PHC3: variants seen among roughly 807,000 people sequenced by gnomAD.
PHC3 encodes polyhomeotic homolog 3, also known as polyhomeotic-like protein 3.
In PHC3, 13 loss-of-function variants were observed where a neutral mutation model predicts 107.4. That is an observed-to-expected ratio of 0.12 (90% CI 0.08 to 0.19). The LOEUF is 0.19. Among genes scored for constraint, PHC3 ranks in the 10% least tolerant of loss-of-function variants. The probability of loss-of-function intolerance (pLI) is 1.00; values close to 1 mark genes in which losing one functional copy is unlikely to be tolerated. For missense variants in PHC3, 992 were observed against 1,210.9 expected (o/e 0.82, Z 2.68); for synonymous variants, 456 against 427.4 (o/e 1.07, Z -0.83).
chr3:170,159,197 A>AG (rs1577210369), intron 4 of PHC3, among the ~76,000 whole-genome samples: 1 of 147,816 alleles, frequency 6.8e-6, no homozygotes, highest in East Asian at 2.0e-4. Flanking sequence ...GCTTGCAGTG[A>AG]GCCGAGATCA....
intron 8 of PHC3, among the ~76,000 whole-genome samples, chr3:170,126,504 G>GTGTATATATATATATATATATATATATA (rs1272456482): frequency 8.5e-6 from 1 of 117,322 alleles, no homozygotes; most frequent in African/African-American, 3.5e-5. Flanking sequence ...TGCTCCATAT[G>GTGTATATATATATATATATATATATATA]TATATATATA....
chr3:170,129,279 G>A lies in PHC3; in HGVS notation c.1193C>T (p.Pro398Leu), dbSNP rs1721865920. Residue 398 changes from proline (P) to leucine (L), a missense_variant, in exon 8 of 15, where the codon CCT becomes CTT. Physicochemically the swap from Pro to Leu is moderately conservative, Grantham distance 98. Around this residue, in one of 6 missense-constraint regions of PHC3, gnomAD observed 543 missense variants for 590.8 expected, o/e 0.92. Coordinates refer to ENST00000495893, the MANE Select transcript of PHC3 (RefSeq NM_024947.4). ...QSHPSPLTVS[P>L]NQSQSAQQSV... ...CTGCTGTGCTGACTGTGACTGATTA[G>A]GAGACACTGTTAAAGGAGAGGGATG... The A allele has an allele frequency of 6.2e-7, 1 of 1,613,854 alleles. No individual in the cohort carries two copies. The highest frequency in any genetic ancestry group is 1.7e-5 in the Admixed American group (1 of 59,992).
rs1231829699 is a variant in PHC3, at chr3:170,172,653, C to T, written c.240G>A (p.Met80Ile). 1 of 1,613,386 alleles carries T rather than the reference C, an allele frequency of 6.2e-7. No individual in the cohort carries two copies. The highest frequency in any genetic ancestry group is 8.5e-7 in the Non-Finnish European group (1 of 1,179,706). Residue 80 changes from methionine to isoleucine, a missense_variant, in exon 3 of 15, where the codon ATG becomes ATA. By Grantham distance (10) the Met-to-Ile change is conservative. Coordinates refer to ENST00000495893, the MANE Select transcript of PHC3 (RefSeq NM_024947.4). ...TCAAGTGCTGTTGTTGGGCTGCATACATTTGCTGAAGGTACTGAGCAGCTG... is the reference window on the plus strand; with the variant it reads ...TCAAGTGCTGTTGTTGGGCTGCATATATTTGCTGAAGGTACTGAGCAGCTG... The part of the protein sequence containing the change: ...PSSAAQYLQQ[M>I]YAAQQQHLML...
chr3:170,174,832 G>A (rs1436959490), intron 2 of PHC3, among the ~76,000 whole-genome samples: 1 of 152,170 alleles, frequency 6.6e-6, no homozygotes, highest in East Asian at 1.9e-4. Flanking sequence ...CCAGCATTAA[G>A]TGATTCAGAA....
At chr3:170,154,582 A>G (rs1464393573) in intron 4 of PHC3, among the ~76,000 whole-genome samples, 1 of 152,040 alleles carries the variant, frequency 6.6e-6, no homozygotes, top group Admixed American at 6.5e-5. Context: ...CTTTTTAAGG[A>G]AGTATAGTAC....
intron 8 of PHC3, among the ~76,000 whole-genome samples, chr3:170,126,730 TGAGTTTCTCTATGTTG>T (rs370587670): frequency 1.3e-4 from 19 of 151,260 alleles, no homozygotes; most frequent in East Asian, 3.9e-4. Flanking sequence ...TTAGTAGAGA[TGAGTTTCTCTATGTTG>T]GCCAGGCTGG....
intron 7 of PHC3, among the ~76,000 whole-genome samples, chr3:170,134,661 C>T (rs910661816): frequency 6.6e-6 from 1 of 152,144 alleles, no homozygotes; most frequent in Non-Finnish European, 1.5e-5. Context: ...ATATGTACCT[C>T]CTACCTAACA....
intron 4 of PHC3, among the ~76,000 whole-genome samples, chr3:170,162,178 T>C (rs1728001003): frequency 6.6e-6 from 1 of 152,170 alleles, no homozygotes; most frequent in Non-Finnish European, 1.5e-5. Flanking sequence ...CTACTCAACT[T>C]TCTCTCATCA....
At chr3:170,118,095 G>A (rs1719411049) in intron 9 of PHC3, among the ~76,000 whole-genome samples, 2 of 152,146 alleles carry the variant, frequency 1.3e-5, no homozygotes, top group Non-Finnish European at 2.9e-5. Flanking sequence ...TAAAATGGTT[G>A]CTTGGTTTTG....
intron 5 of PHC3, among the ~76,000 whole-genome samples, chr3:170,145,964 C>T (rs1261821785): frequency 1.3e-5 from 2 of 152,176 alleles, no homozygotes; most frequent in East Asian, 3.8e-4. Flanking sequence ...CTTTTCAGTC[C>T]TCTTTATCAT....
intron 7 of PHC3, 93 bp from the exon 8 acceptor site, chr3:170,129,645 T>C: frequency 1.7e-6 from 2 of 1,208,252 alleles, no homozygotes; most frequent in Non-Finnish European, 2.3e-6. Flanking sequence ...TATCAGAAGG[T>C]CATAATCATC....
chr3:170,180,567 T>G (rs1198523058), intron 1 of PHC3, among the ~76,000 whole-genome samples: 1 of 151,128 alleles, frequency 6.6e-6, no homozygotes, highest in African/African-American at 2.4e-5. Flanking sequence ...TGCTTCTGTT[T>G]TTTTTTTTTT....
At chr3:170,158,928 A>G (rs1420784293) in intron 4 of PHC3, among the ~76,000 whole-genome samples, 3 of 119,518 alleles carry the variant, frequency 2.5e-5, no homozygotes, top group East Asian at 2.5e-4. Context: ...ACCTGTCTTG[A>G]AAAAAAAAAA....
chr3:170,125,830 C>A (rs1721153974), intron 8 of PHC3: 1 of 195,518 alleles, frequency 5.1e-6, no homozygotes, highest in African/African-American at 2.4e-5. Flanking sequence ...AAATGTTCAA[C>A]AATTAAAATG....
chr3:170,104,946 C>T (rs961720287), intron 12 of PHC3, among the ~76,000 whole-genome samples: 4 of 152,094 alleles, frequency 2.6e-5, no homozygotes, highest in Admixed American at 2.0e-4. Flanking sequence ...TATTTTGTCC[C>T]TAAATATTTA....
At chr3:170,103,072 A>T in intron 12 of PHC3, 138 bp from the exon 13 acceptor site, 1 of 882,494 alleles carries the variant, frequency 1.1e-6, no homozygotes, top group African/African-American at 1.7e-5. Context: ...CTCATAAAGT[A>T]ACTACACTGT....
intron 6 of PHC3, among the ~76,000 whole-genome samples, chr3:170,140,642 G>A (rs373517035): frequency 4.0e-4 from 48 of 118,572 alleles, no homozygotes; most frequent in African/African-American, 1.4e-3. Flanking sequence ...CACCCACGCC[G>A]GACTGTAGTG....
In PHC3 at chr3:170,117,299, G is replaced by A; in HGVS notation, c.2120C>T (p.Ala707Val). ...GGTTAGGATCTGTGGTTTAACAATA[G>A]CCTGTGGAGGTTTGTTCTCTATACT... ...IPSIENKPPQ[A>V]IVKPQILTHV... The change falls in exon 10 of 15, where the codon GCT becomes GTT. Residue 707 changes from alanine (A) to valine (V), a missense_variant. Ala to Val is a moderately conservative substitution (Grantham distance 64). This residue lies in a region of PHC3 where 543 missense variants were observed against 590.8 expected (regional missense o/e 0.92). Transcript: ENST00000495893. The A allele has an allele frequency of 2.5e-6, 4 of 1,613,872 alleles. No homozygotes were observed. In the South Asian group the frequency reaches 3.3e-5, roughly 13 times the overall value.
At chr3:170,103,181 A>C (rs1715810183) in intron 12 of PHC3, among the ~76,000 whole-genome samples, 1 of 152,126 alleles carries the variant, frequency 6.6e-6, no homozygotes, top group Non-Finnish European at 1.5e-5. Flanking sequence ...AAGGTATTGT[A>C]TTTTTTCCTG....
Sources: gnomAD v4.1 joint callset for allele counts (sites outside exome capture counted in the v4.1 genomes callset) on GRCh38, gnomAD v4.1.1 for gene constraint, gnomAD v4.1.1 regional missense constraint, MANE v1.5 for transcripts, NCBI Gene and HGNC (gene_info 2026-07-23, HGNC 2026-07-21) for gene names.